Variants in MICAL1 observed in about 807,000 individuals in gnomAD.
MICAL1 encodes the protein microtubule associated monooxygenase, calponin and LIM domain containing 1, also known as [F-actin]-monooxygenase MICAL1.
In MICAL1, 95 loss-of-function variants were observed where a neutral mutation model predicts 131.8. The observed-to-expected ratio is 0.72, with a 90% CI of 0.61 to 0.86. The LOEUF (loss-of-function observed/expected upper bound fraction) is 0.86, where lower values mean the gene tolerates loss of function less well. Among genes scored for constraint, MICAL1 ranks in the 40% least tolerant of loss-of-function variants. The pLI is 0.00. For synonymous variants in MICAL1, 546 were observed against 554.2 expected, an observed-to-expected ratio of 0.99 and a Z score of 0.21; for missense variants, 1,292 against 1,380.6, an observed-to-expected ratio of 0.94 and a Z score of 1.02.
In MICAL1 at chr6:109,445,222, C is replaced by T; in HGVS notation, c.2856G>A (p.Leu952=). ...LRELEAEGVK[L]ELALRRQSSS... Reference sequence around the variant, plus strand: ...TGCTCTGGCGCCTCAAGGCCAGCTCCAGCTTCACGCCCTCGGCCTCTAGCT... The same window carrying T: ...TGCTCTGGCGCCTCAAGGCCAGCTCTAGCTTCACGCCCTCGGCCTCTAGCT... The change falls in exon 22 of 25, where the codon CTG becomes CTA. Residue 952 remains leucine (L), a synonymous_variant. Transcript: ENST00000358807. The T allele has an allele frequency of 1.2e-6, 2 of 1,613,792 alleles. No homozygotes were observed. Among genetic ancestry groups the T allele is most frequent in the Non-Finnish European group, 1.7e-6 (2 of 1,180,046 alleles).
At chr6:109,449,166 G>C (rs1775395024) in intron 11 of MICAL1, 4 of 676,000 alleles carry the variant, frequency 5.9e-6, no homozygotes, top group Non-Finnish European at 7.9e-6. Context: ...CACCACTATG[G>C]CTGTAACGGT....
rs116086509 is a variant in MICAL1, at chr6:109,445,751, C to T, written c.2673+20G>A. ...TAGTGGGCTGGAGAGCGTTTTGTGGCTGCACGCTGGCCCACTCACCTGTTC... is the reference window on the plus strand; with the variant it reads ...TAGTGGGCTGGAGAGCGTTTTGTGGTTGCACGCTGGCCCACTCACCTGTTC... On this transcript the variant is annotated intron_variant, in intron 20 of 24. Coordinates refer to ENST00000358807, the MANE Select transcript of MICAL1 (RefSeq NM_022765.4). 5,657 of 1,603,282 alleles carry T rather than the reference C, an allele frequency of 3.5e-3. 171 individuals are homozygous for T. In the African/African-American group the frequency reaches 0.068, roughly 19 times the overall value.
intron 15 of MICAL1, 117 bp downstream of exon 15, chr6:109,447,564 G>A (rs1018362773): frequency 6.5e-7 from 1 of 1,538,358 alleles, no homozygotes; most frequent in South Asian, 1.1e-5. Context: ...GGCTGGATGG[G>A]GGGGTTACAG....
rs376815721 is a variant in MICAL1, at chr6:109,446,257, G to A, written c.2460C>T (p.Asn820=). 18 of 1,613,706 alleles carry A rather than the reference G, an allele frequency of 1.1e-5. No homozygotes were observed. In the South Asian group the frequency reaches 1.9e-4, roughly 17 times the overall value. ...GCTCCATTTCCGGGTCAGGGGTAAG[G>A]TTAAGGGAGGACAACCGCTGGCGCT... The part of the protein sequence containing the change: ...SPERQRLSSL[N]LTPDPEMEPP... The change falls in exon 19 of 25, where the codon AAC becomes AAT. Residue 820 remains asparagine, a synonymous_variant. Transcript: ENST00000358807.
In MICAL1 at chr6:109,447,245, G is replaced by A. The variant is rs746095307; in HGVS notation, c.2071-16C>T. 6.2e-7 allele frequency: 1 copy of A among 1,613,850 alleles called. No homozygotes were observed. Among genetic ancestry groups the A allele is most frequent in the Non-Finnish European group, 8.5e-7 (1 of 1,179,894 alleles). Reference sequence around the variant, plus strand: ...CAGCACCGGCCTGCGTGGACCCCCAGGACACAGGGTCAGGTGGAGCCAAGG... The same window carrying A: ...CAGCACCGGCCTGCGTGGACCCCCAAGACACAGGGTCAGGTGGAGCCAAGG... On this transcript the variant is annotated splice_polypyrimidine_tract_variant and intron_variant, in intron 16 of 24. Coordinates refer to ENST00000358807, the MANE Select transcript of MICAL1 (RefSeq NM_022765.4).
At chr6:109,462,902 G>A (rs1775924197) in intron 1 of MICAL1, 1 of 152,216 alleles carries the variant, frequency 6.6e-6, no homozygotes, top group African/African-American at 2.4e-5. Flanking sequence ...AAAATGAATT[G>A]TGAAACACTG....
Position 109,445,472 on chromosome 6 carries a change from G to C in MICAL1, c.2731C>G (p.Arg911Gly). The C allele has an allele frequency of 6.2e-7, 1 of 1,614,072 alleles. No homozygotes were observed. The highest frequency in any genetic ancestry group is 8.5e-7 in the Non-Finnish European group (1 of 1,180,042). ...TCCTTCGCACGGCGCAGCAGAGTCC[G>C]ACGCCATGTTGGGTAGTTATTCATG... is the stretch of plus-strand genomic sequence containing the variant. The part of the protein sequence containing the change: ...GTMNNYPTWR[R>G]TLLRRAKEEE... Residue 911 changes from arginine to glycine, a missense_variant, in exon 21 of 25, where the codon CGG becomes GGG. Transcript: ENST00000358807.
rs545532723 is a variant in MICAL1 at position 109,448,185 on chromosome 6, G to A, written c.1855+18C>T. The A allele has an allele frequency of 4.7e-5, 73 of 1,546,692 alleles. No individual in the cohort carries two copies. The highest frequency in any genetic ancestry group is 2.1e-4 in the East Asian group (9 of 43,044). On this transcript the variant is annotated intron_variant, in intron 13 of 24. Coordinates refer to ENST00000358807, the MANE Select transcript of MICAL1 (RefSeq NM_022765.4). ...CCTCCCCATCCCAGTTATCCTGCCC[G>A]CCTTTCCTTCAGGTCACCTGGGCTG... is the stretch of plus-strand genomic sequence containing the variant.
intron 1 of MICAL1, chr6:109,454,820 C>T (rs1178645695): frequency 3.3e-5 from 5 of 152,870 alleles, no homozygotes; most frequent in Non-Finnish European, 7.3e-5. Context: ...GAGAAACAGC[C>T]TCTGTCCGCG....
chr6:109,463,015 T>C (rs578204120), intron 1 of MICAL1: 1 of 152,144 alleles, frequency 6.6e-6, no homozygotes, highest in Non-Finnish European at 1.5e-5. Context: ...TGAGACGGAG[T>C]CTCGCTCTGT....
At chr6:109,449,553 C>CG (rs1181546155) in intron 10 of MICAL1, 72 bp from the exon 11 acceptor site, 1 of 1,606,990 alleles carries the variant, frequency 6.2e-7, no homozygotes, top group Non-Finnish European at 8.5e-7. Context: ...AAGGGCCTGC[C>CG]GGGGGTAGGA....
At chr6:109,447,749 T>G in intron 14 of MICAL1, 27 bp from the exon 15 acceptor site, 1 of 1,613,990 alleles carries the variant, frequency 6.2e-7, no homozygotes, top group South Asian at 1.1e-5. Flanking sequence ...CAGCTCTAAG[T>G]GTGATGTTTT....
chr6:109,463,470 C>T (rs1775954596), intron 1 of MICAL1: 1 of 152,174 alleles, frequency 6.6e-6, no homozygotes, highest in Non-Finnish European at 1.5e-5. Flanking sequence ...CCACTAGCCA[C>T]ATGTGCTTAT....
chr6:109,462,988 C>T (rs1455243731), intron 1 of MICAL1: 2 of 152,152 alleles, frequency 1.3e-5, no homozygotes, highest in Non-Finnish European at 2.9e-5. Flanking sequence ...GTACTCAAGT[C>T]ATTTAACTTT....
chr6:109,446,901 C>A (rs1211394419), intron 17 of MICAL1, 129 bp from the exon 18 acceptor site: 14 of 1,234,020 alleles, frequency 1.1e-5, no homozygotes, highest in South Asian at 7.9e-5. Flanking sequence ...GCCTCCTGTT[C>A]CTCAGAACCA....
In MICAL1 at chr6:109,454,008, C is replaced by G; in HGVS notation, c.189G>C (p.Leu63=). ...DQLNYWSAKS[L]WTKLDKRAGQ... The stretch of plus-strand genomic sequence containing the variant: ...CTGCTCGCTTGTCCAGCTTGGTCCA[C>G]AGTGACTTGGCGCTCCAGTAGTTGA... Residue 63 remains leucine, a synonymous_variant, in exon 2 of 25, where the codon CTG becomes CTC. Transcript: ENST00000358807. 8 of 1,614,162 alleles carry G rather than the reference C, an allele frequency of 5.0e-6. No individual in the cohort carries two copies. The South Asian group carries it at 8.8e-5, about 18-fold the overall frequency.
At position 109,444,097 on chromosome 6, in the gene MICAL1, G is replaced by T; in HGVS notation, c.*94C>A. On this transcript the variant is annotated 3_prime_UTR_variant, in exon 25 of 25. Coordinates refer to ENST00000358807, the MANE Select transcript of MICAL1 (RefSeq NM_022765.4). ...AAACATTTTAATTGTAAACAGCAAG[G>T]CTCTCTGCCAGGCAGCCCAGATGAA... 6.6e-7 allele frequency: 1 copy of T among 1,521,794 alleles called. No homozygotes were observed. Among genetic ancestry groups the T allele is most frequent in the South Asian group, 1.2e-5 (1 of 81,486 alleles). 94.3% of individuals were successfully genotyped at this position (1,521,794 alleles called of 1,614,324 possible).
At chr6:109,465,440 C>A in intron 1 of MICAL1, 1 of 566,166 alleles carries the variant, frequency 1.8e-6, no homozygotes, top group South Asian at 2.4e-5. Flanking sequence ...ATAGAACAAA[C>A]CATTCTGCCC....
chr6:109,452,424 A>C, intron 5 of MICAL1, 23 bp from the exon 6 acceptor site: 2 of 1,612,612 alleles, frequency 1.2e-6, no homozygotes, highest in Non-Finnish European at 1.7e-6. Flanking sequence ...GTAGGTGAAC[A>C]ATGGCAGGAG....
Sources: allele counts gnomAD v4.1 joint callset, GRCh38; gene constraint gnomAD v4.1.1; transcripts MANE v1.5; gene names NCBI Gene and HGNC (gene_info 2026-07-23, HGNC 2026-07-21).